The following LCLAT1 variants were observed in gnomAD, a reference collection of about 807,000 sequenced individuals.
LCLAT1 encodes lysocardiolipin acyltransferase 1, also known as 1-AGP acyltransferase 8.
In LCLAT1, 11 loss-of-function variants were observed where a neutral mutation model predicts 30.7. The observed-to-expected ratio is 0.36, with a 90% CI of 0.23 to 0.59. LCLAT1 has a LOEUF of 0.59. Ranked by LOEUF, LCLAT1 falls within the 20% of genes least tolerant of loss-of-function variation. The pLI is 0.77. For missense variants in LCLAT1, 402 were observed against 458.6 expected (o/e 0.88, Z 1.13); for synonymous variants, 155 against 151.3 (o/e 1.02, Z -0.18).
chr2:30,495,813 A>C (rs1684080852), intron 1 of LCLAT1, among the ~76,000 whole-genome samples: 1 of 152,136 alleles, frequency 6.6e-6, no homozygotes, highest in South Asian at 2.1e-4. Context: ...GGTTTTTCTA[A>C]AGATTTACAT....
intron 2 of LCLAT1, among the ~76,000 whole-genome samples, chr2:30,527,142 G>C (rs1685759921): frequency 6.6e-6 from 1 of 152,070 alleles, no homozygotes; most frequent in Non-Finnish European, 1.5e-5. Flanking sequence ...TCTACAAACT[G>C]TATGTTAAGT....
chr2:30,464,156 TG>T (rs1475696375), intron 1 of LCLAT1, among the ~76,000 whole-genome samples: 1 of 152,214 alleles, frequency 6.6e-6, no homozygotes, highest in East Asian at 1.9e-4. Flanking sequence ...AAAAAGTAAT[TG>T]GAAACATGGT....
At chr2:30,582,892 C>T (rs1409575759) in intron 5 of LCLAT1, among the ~76,000 whole-genome samples, 1 of 152,144 alleles carries the variant, frequency 6.6e-6, no homozygotes, top group Non-Finnish European at 1.5e-5. Flanking sequence ...CCTTAAGTTC[C>T]ATTGGCTAAT....
intron 5 of LCLAT1, among the ~76,000 whole-genome samples, chr2:30,590,138 G>A (rs1438957392): frequency 5.3e-5 from 8 of 152,002 alleles, no homozygotes; most frequent in Admixed American, 1.3e-4. Context: ...TTTAGAATCT[G>A]TTATGTCCAT....
intron 1 of LCLAT1, among the ~76,000 whole-genome samples, chr2:30,467,273 C>T (rs1420163153): frequency 6.6e-6 from 1 of 152,178 alleles, no homozygotes; most frequent in African/African-American, 2.4e-5. Context: ...ATGAACTCAT[C>T]CTTTTTTATG....
intron 5 of LCLAT1, among the ~76,000 whole-genome samples, chr2:30,615,744 A>G (rs72863013): frequency 0.023 from 3,501 of 152,288 alleles, 129 homozygotes; most frequent in African/African-American, 0.079. Flanking sequence ...CTGGGCATTC[A>G]AATCTAGTTT....
At chr2:30,504,837 C>T (rs1206711377) in intron 1 of LCLAT1, among the ~76,000 whole-genome samples, 2 of 152,276 alleles carry the variant, frequency 1.3e-5, no homozygotes, top group African/African-American at 4.8e-5. Context: ...TAGAGGCAAC[C>T]GCATGTGTCA....
intron 3 of LCLAT1, 83 bp downstream of exon 3, chr2:30,533,397 G>A (rs1333364699): frequency 7.3e-6 from 9 of 1,229,322 alleles, no homozygotes; most frequent in Middle Eastern, 1.9e-4. Flanking sequence ...AAGCATTAAA[G>A]CGATTCCATT....
At chr2:30,586,280 C>T (rs1361571419) in intron 5 of LCLAT1, among the ~76,000 whole-genome samples, 1 of 147,922 alleles carries the variant, frequency 6.8e-6, no homozygotes, top group Non-Finnish European at 1.5e-5. Flanking sequence ...GGAATTTATT[C>T]TCTCACAGTC....
At chr2:30,594,851 A>ATCTT (rs1305406269) in intron 5 of LCLAT1, among the ~76,000 whole-genome samples, 1 of 152,238 alleles carries the variant, frequency 6.6e-6, no homozygotes, top group Non-Finnish European at 1.5e-5. Flanking sequence ...CTACATTTGA[A>ATCTT]TCTTGCTGTA....
intron 1 of LCLAT1, among the ~76,000 whole-genome samples, chr2:30,466,481 A>T (rs1293377996): frequency 6.6e-6 from 1 of 152,116 alleles, no homozygotes; most frequent in African/African-American, 2.4e-5. Context: ...TATTTTAAAA[A>T]TTTGACTGCT....
rs141462016 is a variant in LCLAT1 at position 30,581,177 on chromosome 2, G to A, written c.628+13001G>A. Among the ~76,000 whole-genome samples the A allele has an allele frequency of 4.6e-5, 7 of 152,262 alleles. 1 individual carries two copies. In the East Asian group the frequency reaches 1.3e-3, roughly 29 times the overall value. On this transcript the variant is annotated intron_variant, in intron 5 of 5. Transcript: ENST00000379509. ...AAACCTCAGACTACAGAGCCAGTCT[G>A]GGCTCTTGCCTCTACTTAAGTTCCA...
chr2:30,487,126 G>A (rs1683595374), intron 1 of LCLAT1, among the ~76,000 whole-genome samples: 1 of 152,150 alleles, frequency 6.6e-6, no homozygotes, highest in Non-Finnish European at 1.5e-5. Context: ...ATTTGTACAT[G>A]TCTTGCTCAC....
At chr2:30,550,898 T>C in intron 3 of LCLAT1, among the ~76,000 whole-genome samples, 1 of 152,176 alleles carries the variant, frequency 6.6e-6, no homozygotes, top group East Asian at 1.9e-4. Flanking sequence ...TATGGACTCA[T>C]TGATATTTAT....
chr2:30,616,712 G>A (rs922138788), intron 5 of LCLAT1, among the ~76,000 whole-genome samples: 1 of 151,904 alleles, frequency 6.6e-6, no homozygotes, highest in Non-Finnish European at 1.5e-5. Context: ...CTTAATTAGG[G>A]AATTATATCT....
chr2:30,618,708 AG>A (rs769831844), intron 5 of LCLAT1, among the ~76,000 whole-genome samples: 15 of 152,180 alleles, frequency 9.9e-5, no homozygotes, highest in Non-Finnish European at 1.8e-4. Flanking sequence ...CAAAGCTAAA[AG>A]TTAAAAAAAA....
intron 5 of LCLAT1, among the ~76,000 whole-genome samples, chr2:30,618,600 A>G (rs961545215): frequency 2.6e-5 from 4 of 152,178 alleles, no homozygotes; most frequent in African/African-American, 9.6e-5. Flanking sequence ...AGAGATAACT[A>G]TTGGGTACTG....
At chr2:30,474,081 A>C (rs1572493435) in intron 1 of LCLAT1, among the ~76,000 whole-genome samples, 1 of 152,238 alleles carries the variant, frequency 6.6e-6, no homozygotes, top group South Asian at 2.1e-4. Context: ...AAAAACTCAT[A>C]ATCAGGGAAG....
chr2:30,637,478 A>G (rs1669093263), intron 5 of LCLAT1, among the ~76,000 whole-genome samples: 1 of 152,204 alleles, frequency 6.6e-6, no homozygotes. Flanking sequence ...ACTGTAGCAT[A>G]CAAGGCAAGT....
Sources: gnomAD v4.1 joint callset for allele counts (sites outside exome capture counted in the v4.1 genomes callset) on GRCh38, gnomAD v4.1.1 for gene constraint, MANE v1.5 for transcripts, NCBI Gene and HGNC (gene_info 2026-07-23, HGNC 2026-07-21) for gene names.